The following SLC6A9 variants were observed in gnomAD, a reference collection of about 807,000 sequenced individuals.
SLC6A9 encodes sodium- and chloride-dependent glycine transporter 1.
Under a neutral mutation model 70.9 loss-of-function variants are expected in SLC6A9, and 31 were observed. That is an observed-to-expected ratio of 0.44 (90% CI 0.33 to 0.59). The LOEUF (loss-of-function observed/expected upper bound fraction) is 0.59, where lower values mean the gene tolerates loss of function less well. SLC6A9 is among the 20% of genes least tolerant of loss of function. The pLI, the probability that SLC6A9 is intolerant of heterozygous loss-of-function variation, is 0.04. For missense variants in SLC6A9, 631 were observed against 845.2 expected (o/e 0.75, Z 3.14); for synonymous variants, 310 against 341.3 (o/e 0.91, Z 1.01).
intron 3 of SLC6A9, chr1:44,010,316 C>G (rs2086500091): frequency 1.8e-6 from 1 of 544,230 alleles, no homozygotes; most frequent in Non-Finnish European, 3.3e-6. Flanking sequence ...GAATCCAGGT[C>G]CCAGAGCCTC....
At chr1:44,016,032 G>A (rs2086729493) in intron 2 of SLC6A9, among the ~76,000 whole-genome samples, 1 of 152,214 alleles carries the variant, frequency 6.6e-6, no homozygotes, top group African/African-American at 2.4e-5. Flanking sequence ...CCATTGCAGA[G>A]CCCTGACTGG....
chr1:44,006,224 C>G (rs922046737), intron 5 of SLC6A9, among the ~76,000 whole-genome samples: 31 of 152,320 alleles, frequency 2.0e-4, no homozygotes, highest in African/African-American at 7.5e-4. Flanking sequence ...CGGACGGCAG[C>G]TCCGTGAGGA....
chr1:43,997,591 A>G lies in SLC6A9; in HGVS notation c.1856T>C (p.Ile619Thr), dbSNP rs1306597378. The change falls in exon 14 of 14, where the codon ATT becomes ACT. Residue 619 changes from isoleucine (I) to threonine (T), a missense_variant. Coordinates refer to ENST00000372310, the MANE Select transcript of SLC6A9 (RefSeq NM_001024845.3). This position sits in a 1 kb window ranked among gnomAD's most constrained non-coding sequence, Gnocchi z 4.4. Reference sequence around the variant, plus strand: ...GCGGCTGGAGCCATTACTGCCCACAATGGGGATCTGCGCCTTGTCCGGGTG... The same window carrying G: ...GCGGCTGGAGCCATTACTGCCCACAGTGGGGATCTGCGCCTTGTCCGGGTG... The part of the protein sequence containing the change: ...PLHPDKAQIP[I>T]VGSNGSSRLQ... The G allele has an allele frequency of 1.1e-5, 18 of 1,613,634 alleles. No homozygotes were observed. Among genetic ancestry groups the G allele is most frequent in the East Asian group, 8.9e-5 (4 of 44,866 alleles).
At chr1:44,003,881 G>A (rs2086216985) in intron 5 of SLC6A9, among the ~76,000 whole-genome samples, 1 of 152,020 alleles carries the variant, frequency 6.6e-6, no homozygotes, top group African/African-American at 2.4e-5. Flanking sequence ...CCTGTGCTAA[G>A]TGCTGGGCAT....
At chr1:44,011,659 T>C in intron 2 of SLC6A9, 1 of 1,613,326 alleles carries the variant, frequency 6.2e-7, no homozygotes, top group Middle Eastern at 1.6e-4. Flanking sequence ...GCTAGGGAAG[T>C]AGAGGGAGTG....
At chr1:44,020,047 G>A (rs191164743) in intron 2 of SLC6A9, among the ~76,000 whole-genome samples, 5 of 152,342 alleles carry the variant, frequency 3.3e-5, no homozygotes, top group East Asian at 1.9e-4. Flanking sequence ...CCCATTTCAC[G>A]GAGGATGGGG....
chr1:44,000,714 G>T, intron 12 of SLC6A9, 53 bp downstream of exon 12: 1 of 1,203,368 alleles, frequency 8.3e-7, no homozygotes, highest in Non-Finnish European at 1.2e-6. Context: ...CCAAGAGATG[G>T]ACACATGGCC....
chr1:44,024,885 T>C (rs2086953077), intron 1 of SLC6A9, among the ~76,000 whole-genome samples: 1 of 152,186 alleles, frequency 6.6e-6, no homozygotes, highest in Admixed American at 6.5e-5. Context: ...CCGCACCTCC[T>C]TGCACTCCCA....
chr1:44,008,754 C>G (rs112998012), intron 4 of SLC6A9, 131 bp from the exon 5 acceptor site: 13,730 of 717,654 alleles, frequency 0.019, 176 homozygotes, highest in Non-Finnish European at 0.023. Context: ...TGCCCAGGCT[C>G]TGACACCCAG....
chr1:44,017,191 G>C, intron 2 of SLC6A9: 2 of 1,577,810 alleles, frequency 1.3e-6, no homozygotes, highest in Admixed American at 1.9e-5. Flanking sequence ...TCCCACTGCC[G>C]GGCTGGGCAG....
rs2086626746 is a variant in SLC6A9 at position 44,013,040 on chromosome 1, T to G, written c.31-2158A>C. On this transcript the variant is annotated intron_variant, in intron 2 of 13. Transcript: ENST00000372310. The surrounding 1 kb of genome is among the most constrained non-coding windows in gnomAD (Gnocchi z 5.3). Reference sequence around the variant, plus strand: ...ATATGTTGACCCTACAATACCAGTTTTATTCTGTCCCAGGGTTGTTTACTT... The same window carrying G: ...ATATGTTGACCCTACAATACCAGTTGTATTCTGTCCCAGGGTTGTTTACTT... 6.6e-6 allele frequency among the ~76,000 whole-genome samples: 1 copy of G among 152,180 alleles called. No homozygotes were observed. The highest frequency in any genetic ancestry group is 1.5e-5 in the Non-Finnish European group (1 of 68,024).
chr1:44,005,910 G>T (rs573746313), intron 5 of SLC6A9, among the ~76,000 whole-genome samples: 23 of 152,330 alleles, frequency 1.5e-4, no homozygotes, highest in Middle Eastern at 3.4e-3. Flanking sequence ...GCTCCAGCCC[G>T]CGCTGGGGAG....
intron 3 of SLC6A9, 177 bp downstream of exon 3, chr1:44,010,549 G>T: frequency 1.8e-6 from 1 of 558,030 alleles, no homozygotes; most frequent in Non-Finnish European, 3.2e-6. Flanking sequence ...GACTGCCAGG[G>T]TCTGGGGTGG....
chr1:44,017,015 G>C (rs1432835099), intron 2 of SLC6A9: 1 of 1,564,048 alleles, frequency 6.4e-7, no homozygotes, highest in East Asian at 2.4e-5. Flanking sequence ...TGGCACCAAG[G>C]AGGGGGCTCA....
rs202065080 is a variant in SLC6A9 at position 44,008,522 on chromosome 1, C to T, written c.421G>A (p.Val141Met). The change falls in exon 5 of 14, where the codon GTG becomes ATG. Residue 141 changes from valine (V) to methionine (M), a missense_variant. Coordinates refer to ENST00000372310, the MANE Select transcript of SLC6A9 (RefSeq NM_001024845.3). ...FYYFFSSMTH[V>M]LPWAYCNNPW... ...TTATTGCAGTAGGCCCAGGGCAGCA[C>T]GTGCGTCATGGACGAGAAGAAGTAG... 4 of 1,614,098 alleles carry T rather than the reference C, an allele frequency of 2.5e-6. No homozygotes were observed. Among genetic ancestry groups the T allele is most frequent in the Admixed American group, 1.7e-5 (1 of 60,018 alleles).
chr1:44,014,864 C>G (rs2086688683), intron 2 of SLC6A9: 1 of 152,046 alleles, frequency 6.6e-6, no homozygotes, highest in Admixed American at 6.6e-5. Flanking sequence ...AGGGGACAGA[C>G]TAGATAACCT....
Position 44,001,312 on chromosome 1 carries a change from C to A in SLC6A9, c.1201-14G>T, listed in dbSNP as rs1344991395. 1 of 1,614,218 alleles carries A rather than the reference C, an allele frequency of 6.2e-7. No individual in the cohort carries two copies. The highest frequency in any genetic ancestry group is 1.7e-5 in the Admixed American group (1 of 60,026). On this transcript the variant is annotated splice_polypyrimidine_tract_variant and intron_variant, in intron 9 of 13. Coordinates refer to ENST00000372310, the MANE Select transcript of SLC6A9 (RefSeq NM_001024845.3). ...CAGGAGGCAGAACTGCAGGATGTGG[C>A]TGTCAGATCGGAGACCTGCCCCTTG...
rs201241514 is a variant in SLC6A9, at chr1:44,010,865, G to T, written c.48C>A (p.Ser16Arg). 10 of 1,614,064 alleles carry T rather than the reference G, an allele frequency of 6.2e-6. No homozygotes were observed. In the South Asian group the frequency reaches 9.9e-5, roughly 16 times the overall value. ...GGTTCTGGTCCCTCTTGGTGGCCTC[G>T]CTGGGCACAGCACCATTCTGTGGGG... Reference protein sequence around the residue: ...AKGMLNGAVPSEATKRDQNLK... With the variant: ...AKGMLNGAVPREATKRDQNLK... Residue 16 changes from serine to arginine, a missense_variant, in exon 3 of 14, where the codon AGC (serine) becomes AGA (arginine). Ser to Arg is a moderately radical substitution (Grantham distance 110, BLOSUM62 -1). Transcript: ENST00000372310.
At chr1:43,998,985 G>GGC (rs976116439) in intron 12 of SLC6A9, among the ~76,000 whole-genome samples, 12 of 151,448 alleles carry the variant, frequency 7.9e-5, no homozygotes, top group Non-Finnish European at 1.2e-4. Context: ...CGGGGGAAGG[G>GGC]GGGGGGCAGT....
Sources: allele counts gnomAD v4.1 joint callset (sites outside exome capture counted in the v4.1 genomes callset), GRCh38; gene constraint gnomAD v4.1.1; non-coding constraint Gnocchi (gnomAD v3.1); transcripts MANE v1.5; gene names NCBI Gene and HGNC (gene_info 2026-07-23, HGNC 2026-07-21).